Variants in PPP1R12B observed in about 807,000 individuals in gnomAD.
The protein encoded by PPP1R12B is myosin phosphatase target subunit 2.
In PPP1R12B, 76 loss-of-function variants were observed where a neutral mutation model predicts 126.1. The observed-to-expected ratio is 0.60, with a 90% CI of 0.50 to 0.73. The LOEUF is 0.73. Among genes scored for constraint, PPP1R12B ranks in the 30% least tolerant of loss-of-function variants. PPP1R12B has a pLI of 0.00. For missense variants in PPP1R12B, 1,052 were observed against 1,205.1 expected (o/e 0.87, Z 1.88); for synonymous variants, 356 against 434.7 (o/e 0.82, Z 2.25).
At chr1:202,395,566 T>A (rs1012624801) in intron 1 of PPP1R12B, among the ~76,000 whole-genome samples, 1 of 152,202 alleles carries the variant, frequency 6.6e-6, no homozygotes, top group Non-Finnish European at 1.5e-5. Flanking sequence ...TCCACAGTTA[T>A]ACCCACGACA....
intron 18 of PPP1R12B, among the ~76,000 whole-genome samples, chr1:202,536,713 AAC>A (rs1281034861): frequency 7.2e-5 from 11 of 152,242 alleles, no homozygotes; most frequent in African/African-American, 2.6e-4. Flanking sequence ...GCTTAAAACA[AAC>A]ACATACAGCT....
chr1:202,413,008 G>A (rs538239848), intron 1 of PPP1R12B, among the ~76,000 whole-genome samples: 1 of 152,002 alleles, frequency 6.6e-6, no homozygotes, highest in South Asian at 2.1e-4. Context: ...GGTAAAGAAT[G>A]GGATATACTT....
intron 18 of PPP1R12B, among the ~76,000 whole-genome samples, chr1:202,501,204 T>C (rs548108679): frequency 4.1e-4 from 62 of 152,356 alleles, no homozygotes; most frequent in Non-Finnish European, 7.3e-4. Flanking sequence ...ATTCTAATTA[T>C]ATCTGAAAAT....
At chr1:202,391,043 A>G (rs1664070739) in intron 1 of PPP1R12B, among the ~76,000 whole-genome samples, 2 of 152,304 alleles carry the variant, frequency 1.3e-5, no homozygotes, top group Admixed American at 6.5e-5. Flanking sequence ...AGGCTGGGTA[A>G]CAGAGTAAGA....
At chr1:202,545,998 T>A (rs1572459284) in intron 18 of PPP1R12B, among the ~76,000 whole-genome samples, 1 of 152,220 alleles carries the variant, frequency 6.6e-6, no homozygotes, top group South Asian at 2.1e-4. Context: ...AATAAAGGAA[T>A]GAAGATTTGA....
intron 1 of PPP1R12B, among the ~76,000 whole-genome samples, chr1:202,360,892 C>CTT (rs11311546): frequency 9.1e-5 from 10 of 109,462 alleles, no homozygotes; most frequent in African/African-American, 2.9e-4. Context: ...ACCATTAGCT[C>CTT]TTTTTTTTTT....
chr1:202,562,829 G>T lies in PPP1R12B; in HGVS notation c.2559G>T (p.Arg853=). ...CAACCAGTGATTCTTACGGTGACCG[G>T]GCTTCAGCAAGAGCCCGTCGGGAGG... ...NPTTSDSYGD[R]ASARARREAR... The change falls in exon 20 of 24, where the codon CGG becomes CGT. Residue 853 remains arginine (R), a synonymous_variant. Transcript: ENST00000608999. The T allele has an allele frequency of 6.2e-7, 1 of 1,613,380 alleles. No individual in the cohort carries two copies. Among genetic ancestry groups the T allele is most frequent in the Non-Finnish European group, 8.5e-7 (1 of 1,179,644 alleles).
At chr1:202,368,467 T>G (rs1290522905) in intron 1 of PPP1R12B, among the ~76,000 whole-genome samples, 1 of 152,160 alleles carries the variant, frequency 6.6e-6, no homozygotes, top group African/African-American at 2.4e-5. Context: ...CTTTTTTTAA[T>G]AAACTAGTCA....
intron 1 of PPP1R12B, among the ~76,000 whole-genome samples, chr1:202,416,525 T>TAAAAAAAA (rs35476608): frequency 1.8e-5 from 2 of 111,660 alleles, no homozygotes; most frequent in African/African-American, 7.1e-5. Flanking sequence ...AAACTCTGTC[T>TAAAAAAAA]AAAAAAAAAA....
intron 13 of PPP1R12B, among the ~76,000 whole-genome samples, chr1:202,478,523 T>G (rs1676960451): frequency 6.6e-6 from 1 of 152,190 alleles, no homozygotes; most frequent in Admixed American, 6.5e-5. Flanking sequence ...TATATATTTT[T>G]TCTTAAATAG....
chr1:202,537,793 G>T (rs745906766), intron 18 of PPP1R12B, among the ~76,000 whole-genome samples: 2 of 152,172 alleles, frequency 1.3e-5, no homozygotes, highest in South Asian at 4.1e-4. Flanking sequence ...TATCAAAAAA[G>T]TGTCACTAAC....
intron 13 of PPP1R12B, among the ~76,000 whole-genome samples, chr1:202,475,304 T>C (rs1456480860): frequency 6.6e-6 from 1 of 152,224 alleles, no homozygotes; most frequent in Non-Finnish European, 1.5e-5. Context: ...TTAATGTTTA[T>C]AGTTTGTTCA....
At chr1:202,458,067 G>A (rs543913331) in intron 13 of PPP1R12B, among the ~76,000 whole-genome samples, 101 of 152,180 alleles carry the variant, frequency 6.6e-4, no homozygotes, top group African/African-American at 2.4e-3. Context: ...AGTGGGACAT[G>A]GGAGTGGTTA....
At chr1:202,359,470 G>T (rs886812718) in intron 1 of PPP1R12B, among the ~76,000 whole-genome samples, 1 of 151,552 alleles carries the variant, frequency 6.6e-6, no homozygotes, top group East Asian at 1.9e-4. Flanking sequence ...TATATCTCTA[G>T]AACGTAGAAA....
intron 18 of PPP1R12B, among the ~76,000 whole-genome samples, chr1:202,512,622 A>T (rs1293195128): frequency 6.6e-6 from 1 of 152,212 alleles, no homozygotes; most frequent in African/African-American, 2.4e-5. Flanking sequence ...AACAGCAGTA[A>T]TAATGTATAT....
intron 18 of PPP1R12B, among the ~76,000 whole-genome samples, chr1:202,516,018 C>T (rs1156690442): frequency 1.3e-5 from 2 of 152,192 alleles, no homozygotes; most frequent in African/African-American, 2.4e-5. Context: ...TACTGTGTAA[C>T]CTTGCCAAAT....
chr1:202,454,859 C>T (rs1437935744), intron 13 of PPP1R12B, among the ~76,000 whole-genome samples: 1 of 152,010 alleles, frequency 6.6e-6, no homozygotes, highest in Non-Finnish European at 1.5e-5. Context: ...GAGTTTGAGG[C>T]TACCATGAAC....
intron 13 of PPP1R12B, among the ~76,000 whole-genome samples, chr1:202,472,778 T>A (rs1227729295): frequency 9.2e-5 from 14 of 152,366 alleles, no homozygotes; most frequent in Non-Finnish European, 1.8e-4. Context: ...GCAAATGTTT[T>A]CTGCAAAGGA....
chr1:202,549,863 C>T (rs564258578), intron 18 of PPP1R12B, among the ~76,000 whole-genome samples: 84 of 152,240 alleles, frequency 5.5e-4, no homozygotes, highest in African/African-American at 1.9e-3. Flanking sequence ...TGGGCACATA[C>T]AGGTGCTTAA....
Sources: gnomAD v4.1 joint callset for allele counts (sites outside exome capture counted in the v4.1 genomes callset) on GRCh38, gnomAD v4.1.1 for gene constraint, MANE v1.5 for transcripts, NCBI Gene and HGNC (gene_info 2026-07-23, HGNC 2026-07-21) for gene names.